FHOD3: variants seen among roughly 807,000 people sequenced by gnomAD.
FHOD3 encodes formin homology 2 domain containing 3, also known as FH1/FH2 domain-containing protein 3.
In FHOD3, 90 loss-of-function variants were observed where a neutral mutation model predicts 173.0. The observed-to-expected ratio is 0.52, with a 90% CI of 0.44 to 0.62. The LOEUF (loss-of-function observed/expected upper bound fraction) is 0.62, where lower values mean the gene tolerates loss of function less well. Ranked by LOEUF, FHOD3 falls within the 20% of genes least tolerant of loss-of-function variation. The probability of loss-of-function intolerance (pLI) is 0.00; values close to 1 mark genes in which losing one functional copy is unlikely to be tolerated. For missense variants in FHOD3, 1,945 were observed against 2,034.7 expected, an observed-to-expected ratio of 0.96 and a Z score of 0.85; for synonymous variants, 828 against 823.0, an observed-to-expected ratio of 1.01 and a Z score of -0.10.
At chr18:36,457,431 G>T (rs897146288) in intron 3 of FHOD3, among the ~76,000 whole-genome samples, 6 of 152,084 alleles carry the variant, frequency 3.9e-5, no homozygotes, top group Non-Finnish European at 5.9e-5. Flanking sequence ...ATGGTACCAA[G>T]CTCTGTAGCA....
At chr18:36,311,834 G>A (rs1285868194) in intron 1 of FHOD3, among the ~76,000 whole-genome samples, 2 of 152,196 alleles carry the variant, frequency 1.3e-5, no homozygotes, top group East Asian at 3.9e-4. Context: ...GGGGAGGGGG[G>A]ACAGGTGCGC....
At chr18:36,594,246 T>C (rs1437905387) in intron 6 of FHOD3, among the ~76,000 whole-genome samples, 1 of 152,078 alleles carries the variant, frequency 6.6e-6, no homozygotes, top group Non-Finnish European at 1.5e-5. Flanking sequence ...GAGCCCTGGA[T>C]CCAGGGAGTA....
At chr18:36,547,393 A>T (rs570723648) in intron 5 of FHOD3, among the ~76,000 whole-genome samples, 2 of 152,292 alleles carry the variant, frequency 1.3e-5, no homozygotes, top group East Asian at 1.9e-4. Context: ...AACCAAAAAA[A>T]TTCTTGTTTT....
At chr18:36,497,095 CATT>C (rs1490296400) in intron 3 of FHOD3, among the ~76,000 whole-genome samples, 1 of 152,108 alleles carries the variant, frequency 6.6e-6, no homozygotes, top group Admixed American at 6.6e-5. Flanking sequence ...CAATAAAAAT[CATT>C]ATTTGGGAAC....
At chr18:36,543,157 G>A (rs967469393) in intron 5 of FHOD3, among the ~76,000 whole-genome samples, 33 of 152,216 alleles carry the variant, frequency 2.2e-4, no homozygotes, top group African/African-American at 7.9e-4. Flanking sequence ...GTTCTTTCCT[G>A]GATCTTCAGC....
intron 24 of FHOD3, among the ~76,000 whole-genome samples, chr18:36,748,378 ACACAACAC>A (rs977804294): frequency 8.3e-6 from 1 of 121,070 alleles, no homozygotes; most frequent in Non-Finnish European, 1.6e-5. Context: ...ACACACACAC[ACACAACAC>A]ACACACACAC....
intron 9 of FHOD3, among the ~76,000 whole-genome samples, chr18:36,623,006 A>T (rs1026423044): frequency 6.6e-6 from 1 of 152,198 alleles, no homozygotes; most frequent in African/African-American, 2.4e-5. Flanking sequence ...TCTGTGGCCC[A>T]TTTGCTCCCT....
At chr18:36,776,014 C>G (rs1057357481) in intron 28 of FHOD3, among the ~76,000 whole-genome samples, 1 of 152,090 alleles carries the variant, frequency 6.6e-6, no homozygotes, top group Non-Finnish European at 1.5e-5. Flanking sequence ...AATGAGGAGT[C>G]GGGAGAGGCC....
intron 1 of FHOD3, among the ~76,000 whole-genome samples, chr18:36,333,975 C>T (rs1250257920): frequency 6.6e-6 from 1 of 152,158 alleles, no homozygotes; most frequent in Non-Finnish European, 1.5e-5. Flanking sequence ...ATCCATATTC[C>T]TGGCCAAGGT....
chr18:36,693,637 A>C (rs2039093066), intron 17 of FHOD3, among the ~76,000 whole-genome samples: 1 of 152,234 alleles, frequency 6.6e-6, no homozygotes, highest in South Asian at 2.1e-4. Context: ...GATTCATCAA[A>C]GTTGTCAATG....
intron 14 of FHOD3, among the ~76,000 whole-genome samples, chr18:36,668,305 A>T (rs948205828): frequency 6.6e-6 from 1 of 152,134 alleles, no homozygotes; most frequent in African/African-American, 2.4e-5. Context: ...AGTTATTGGA[A>T]TGTAATTGTT....
At chr18:36,415,045 G>C (rs556014056) in intron 3 of FHOD3, among the ~76,000 whole-genome samples, 1 of 152,178 alleles carries the variant, frequency 6.6e-6, no homozygotes, top group Admixed American at 6.5e-5. Context: ...GGACCACAGC[G>C]GGGGATTTTT....
At chr18:36,688,379 A>G (rs2038761518) in intron 16 of FHOD3, among the ~76,000 whole-genome samples, 1 of 152,228 alleles carries the variant, frequency 6.6e-6, no homozygotes. Flanking sequence ...TCTCTGAGGC[A>G]GGGAAGAGTG....
At chr18:36,505,125 A>G (rs1030215828) in intron 4 of FHOD3, among the ~76,000 whole-genome samples, 2 of 152,250 alleles carry the variant, frequency 1.3e-5, no homozygotes, top group African/African-American at 4.8e-5. Flanking sequence ...CACATGGGCC[A>G]AGAGATACAT....
Position 36,760,637 on chromosome 18 carries a change from GC to G in FHOD3, c.4484del (p.Pro1495GlnfsTer7). 1.3e-6 allele frequency: 2 copies of G among 1,586,650 alleles called. No individual in the cohort carries two copies. The highest frequency in any genetic ancestry group is 1.7e-6 in the Non-Finnish European group (2 of 1,164,462). On this transcript the variant is annotated frameshift_variant, in exon 27 of 29. Transcript: ENST00000590592. LOFTEE classifies it high-confidence loss of function. ...GCAAGTTCTCCGGCAGTTCTCCGGC[GC>G]CCCCAAGCCAGCCGCAGGGTCTGAG... ...SGKFSGSSPA[P>X]PSQPQGLSYA... is the part of the protein sequence containing the mutation.
intron 1 of FHOD3, among the ~76,000 whole-genome samples, chr18:36,339,829 G>A (rs1946300969): frequency 6.6e-6 from 1 of 152,232 alleles, no homozygotes; most frequent in Admixed American, 6.5e-5. Flanking sequence ...GGTCAAAAGA[G>A]ACTGCTGATG....
rs543744633 is a variant in FHOD3, at chr18:36,669,366, C to CT, written c.1835+11186dup. On this transcript the variant is annotated intron_variant, in intron 14 of 28. Transcript: ENST00000590592. ...TCTTGTAGGCAATATAGTGTTGAAT[C>CT]TTTTTTTTAATCCAGTCTGATAATC... Among the ~76,000 whole-genome samples the CT allele has an allele frequency of 1.3e-4, 20 of 151,562 alleles. 1 individual carries two copies. The South Asian group carries it at 3.1e-3, about 24-fold the overall frequency.
intron 3 of FHOD3, among the ~76,000 whole-genome samples, chr18:36,380,584 TTTCCTTTCC>T (rs1568196315): frequency 3.1e-4 from 27 of 88,370 alleles, no homozygotes; most frequent in African/African-American, 9.6e-4. Context: ...TTTCTTTTCC[TTTCCTTTCC>T]TTTCCTTTCC....
chr18:36,390,785 G>T (rs2048266069), intron 3 of FHOD3, among the ~76,000 whole-genome samples: 1 of 152,112 alleles, frequency 6.6e-6, no homozygotes, highest in Admixed American at 6.5e-5. Context: ...GTTACGCCTG[G>T]AGTGATTCTC....
Sources: gnomAD v4.1 joint callset for allele counts (sites outside exome capture counted in the v4.1 genomes callset) on GRCh38, gnomAD v4.1.1 for gene constraint, MANE v1.5 for transcripts, NCBI Gene and HGNC (gene_info 2026-07-23, HGNC 2026-07-21) for gene names.